MUSK: variants seen among roughly 807,000 people sequenced by gnomAD.
MUSK encodes muscle, skeletal receptor tyrosine-protein kinase.
Under a neutral mutation model 88.7 loss-of-function variants are expected in MUSK, and 55 were observed. That is an observed-to-expected ratio of 0.62 (90% CI 0.50 to 0.78). The LOEUF (loss-of-function observed/expected upper bound fraction) is 0.78. Among genes scored for constraint, MUSK ranks in the 30% least tolerant of loss-of-function variants. The pLI, the probability that MUSK is intolerant of heterozygous loss-of-function variation, is 0.00. For synonymous variants in MUSK, 387 were observed against 391.9 expected (o/e 0.99, Z 0.15); for missense variants, 1,015 against 1,074.3 (o/e 0.94, Z 0.77).
chr9:110,774,061 T>G (rs909893366), intron 9 of MUSK, among the ~76,000 whole-genome samples: 1 of 152,182 alleles, frequency 6.6e-6, no homozygotes, highest in Non-Finnish European at 1.5e-5. Flanking sequence ...TTTTCTATTT[T>G]TTATGTGCTC....
intron 4 of MUSK, 143 bp downstream of exon 4, chr9:110,695,673 T>G (rs1022518405): frequency 1.6e-5 from 11 of 689,694 alleles, no homozygotes; most frequent in Non-Finnish European, 2.3e-5. Flanking sequence ...TATTTCTGTT[T>G]GCATATATGC....
At chr9:110,747,912 T>G in intron 7 of MUSK, 112 bp downstream of exon 7, 1 of 1,395,520 alleles carries the variant, frequency 7.2e-7, no homozygotes, top group Non-Finnish European at 1.0e-6. Context: ...TTATTTCAGT[T>G]GCATTTGGGC....
chr9:110,676,146 T>C (rs2076024117), intron 1 of MUSK, among the ~76,000 whole-genome samples: 1 of 151,870 alleles, frequency 6.6e-6, no homozygotes. Context: ...TTTTCTATTA[T>C]GAAAGCAATA....
chr9:110,707,906 T>C (rs1288984942), intron 5 of MUSK, among the ~76,000 whole-genome samples: 1 of 152,158 alleles, frequency 6.6e-6, no homozygotes, highest in African/African-American at 2.4e-5. Flanking sequence ...CTTCAGTGCA[T>C]GAGTCTCCAT....
intron 3 of MUSK, among the ~76,000 whole-genome samples, chr9:110,692,413 A>G (rs999979692): frequency 5.3e-5 from 8 of 151,982 alleles, no homozygotes; most frequent in African/African-American, 1.9e-4. Context: ...TGCTCAAGTG[A>G]TCCTCCCACC....
At chr9:110,687,396 A>G (rs2076212740) in intron 3 of MUSK, 128 bp downstream of exon 3, 4 of 1,072,508 alleles carry the variant, frequency 3.7e-6, no homozygotes, top group Non-Finnish European at 5.3e-6. Flanking sequence ...GTGCAGTGGC[A>G]TGATCTCGGT....
intron 5 of MUSK, among the ~76,000 whole-genome samples, chr9:110,721,926 G>A (rs1371058330): frequency 1.3e-5 from 2 of 152,138 alleles, no homozygotes; most frequent in African/African-American, 4.8e-5. Flanking sequence ...TGTGAACCCA[G>A]AAATGAAGCC....
At chr9:110,747,403 A>G (rs992251792) in intron 6 of MUSK, among the ~76,000 whole-genome samples, 1 of 152,198 alleles carries the variant, frequency 6.6e-6, no homozygotes, top group East Asian at 1.9e-4. Context: ...ATTCATTCCA[A>G]AACACATCAC....
chr9:110,728,591 C>A, intron 5 of MUSK: 1 of 773,728 alleles, frequency 1.3e-6, no homozygotes, highest in Non-Finnish European at 2.2e-6. Context: ...TGTTGCACAA[C>A]TGATGTTTCT....
rs545542032 is a variant in MUSK, at chr9:110,718,897, C to G, written c.629-15354C>G. 3.9e-5 allele frequency among the ~76,000 whole-genome samples: 6 copies of G among 152,106 alleles called. No homozygotes were observed. The South Asian group carries it at 1.2e-3, about 32-fold the overall frequency. On this transcript the variant is annotated intron_variant, in intron 5 of 14. Coordinates refer to ENST00000374448, the MANE Select transcript of MUSK (RefSeq NM_005592.4). ...TAACAGCAGATTTCTCAGCAGAAAC[C>G]CTACAAGCTAGAAGAAATTGGGGTC...
At chr9:110,676,720 G>A (rs2076035385) in intron 1 of MUSK, among the ~76,000 whole-genome samples, 1 of 152,058 alleles carries the variant, frequency 6.6e-6, no homozygotes, top group African/African-American at 2.4e-5. Context: ...CCCTGCAAAG[G>A]ACATAATCTC....
intron 1 of MUSK, among the ~76,000 whole-genome samples, chr9:110,681,005 A>C (rs1360050421): frequency 6.3e-4 from 37 of 59,010 alleles, no homozygotes; most frequent in African/African-American, 3.5e-3. Context: ...AATATATTAT[A>C]TTATATATAA....
chr9:110,804,829 T>C lies in MUSK; in HGVS notation c.*3841T>C, dbSNP rs1488013945. On this transcript the variant is annotated 3_prime_UTR_variant, in exon 15 of 15. Transcript: ENST00000374448. ...GAGGTAATTAACATTAACATCATAA[T>C]ATTCTTCCAGGCTTTTTCAGATAGA... Among the ~76,000 whole-genome samples the C allele has an allele frequency of 6.6e-6, 1 of 151,916 alleles. No homozygotes were observed. The highest frequency in any genetic ancestry group is 1.5e-5 in the Non-Finnish European group (1 of 67,840).
intron 6 of MUSK, 72 bp from the exon 7 acceptor site, chr9:110,747,569 C>A: frequency 7.0e-7 from 1 of 1,432,680 alleles, no homozygotes; most frequent in Non-Finnish European, 9.6e-7. Context: ...AATGCTTTTC[C>A]CTTCAAATCT....
intron 7 of MUSK, among the ~76,000 whole-genome samples, chr9:110,759,935 C>T (rs12377102): frequency 0.42 from 63,294 of 151,708 alleles, 13,637 homozygotes; most frequent in Middle Eastern, 0.48. Context: ...GCTTGGGAGG[C>T]TGAGGCAGGA....
chr9:110,699,770 A>C (rs527616592), intron 5 of MUSK, among the ~76,000 whole-genome samples: 1 of 152,306 alleles, frequency 6.6e-6, no homozygotes, highest in South Asian at 2.1e-4. Context: ...GTATGTATCA[A>C]GTCGTAACTC....
chr9:110,700,578 G>C (rs2076488407), intron 5 of MUSK, among the ~76,000 whole-genome samples: 1 of 152,108 alleles, frequency 6.6e-6, no homozygotes, highest in African/African-American at 2.4e-5. Flanking sequence ...CTGGAGCTAT[G>C]TTTGGTGTGT....
At chr9:110,747,519 C>A in intron 6 of MUSK, 122 bp from the exon 7 acceptor site, 1 of 992,488 alleles carries the variant, frequency 1.0e-6, no homozygotes, top group Non-Finnish European at 1.5e-6. Context: ...AATCTTTTGG[C>A]TATGTTTGCA....
chr9:110,697,524 G>A, intron 5 of MUSK, 58 bp downstream of exon 5: 1 of 1,551,704 alleles, frequency 6.4e-7, no homozygotes, highest in South Asian at 1.3e-5. Flanking sequence ...TGTCTACTGT[G>A]AAGGCTGCAC....
Sources: allele counts gnomAD v4.1 joint callset (sites outside exome capture counted in the v4.1 genomes callset), GRCh38; gene constraint gnomAD v4.1.1; transcripts MANE v1.5; gene names NCBI Gene and HGNC (gene_info 2026-07-23, HGNC 2026-07-21).